LRRC49: variants seen among roughly 807,000 people sequenced by gnomAD.
LRRC49 encodes leucine rich repeat containing 49, also known as leucine-rich repeat-containing protein 49.
A neutral mutation model predicts 83.3 loss-of-function variants in LRRC49; 50 were observed. That is an observed-to-expected ratio of 0.60 (90% CI 0.48 to 0.76). LRRC49 has a LOEUF of 0.76. Among genes scored for constraint, LRRC49 ranks in the 30% least tolerant of loss-of-function variants. The pLI, the probability that LRRC49 is intolerant of heterozygous loss-of-function variation, is 0.00. For synonymous variants in LRRC49, 286 were observed against 283.3 expected, an observed-to-expected ratio of 1.01 and a Z score of -0.10; for missense variants, 704 against 809.1, an observed-to-expected ratio of 0.87 and a Z score of 1.58.
At chr15:70,871,012 G>T (rs1301866064) in intron 1 of LRRC49, among the ~76,000 whole-genome samples, 1 of 150,438 alleles carries the variant, frequency 6.6e-6, no homozygotes, top group Non-Finnish European at 1.5e-5. Context: ...GGGGGATTTG[G>T]CAGGGTCATA....
intron 1 of LRRC49, 73 bp downstream of exon 1, chr15:70,893,015 T>A: frequency 6.5e-7 from 1 of 1,529,402 alleles, no homozygotes; most frequent in Non-Finnish European, 9.1e-7. Context: ...TCCTAGGAGA[T>A]GGGCTGTATT....
chr15:70,892,330 C>G (rs1434466706), upstream of LRRC49: 1 of 1,549,412 alleles, frequency 6.5e-7, no homozygotes, highest in Non-Finnish European at 8.7e-7. Flanking sequence ...CTTGGGCACG[C>G]TCCTCGCAGC....
At chr15:70,883,089 G>A (rs951393516) in intron 2 of LRRC49, among the ~76,000 whole-genome samples, 1 of 151,968 alleles carries the variant, frequency 6.6e-6, no homozygotes, top group Non-Finnish European at 1.5e-5. Context: ...CTGCCATATT[G>A]TCTTTTTTCC....
chr15:70,993,184 G>A (rs2037952771), intron 11 of LRRC49, among the ~76,000 whole-genome samples: 1 of 152,234 alleles, frequency 6.6e-6, no homozygotes, highest in Non-Finnish European at 1.5e-5. Flanking sequence ...TCCTAGCCAT[G>A]TGCGGGATAT....
intron 11 of LRRC49, among the ~76,000 whole-genome samples, chr15:70,987,216 T>G (rs1156471747): frequency 4.6e-5 from 7 of 152,104 alleles, no homozygotes; most frequent in East Asian, 1.9e-4. Context: ...AATGGTACCA[T>G]TTCTTCCTTG....
At chr15:70,928,658 C>T (rs1005275624) in intron 7 of LRRC49, among the ~76,000 whole-genome samples, 4 of 152,026 alleles carry the variant, frequency 2.6e-5, no homozygotes, top group Admixed American at 2.6e-4. Context: ...CTCCACCTCC[C>T]GGGTTCAAGT....
At chr15:70,861,245 A>G (rs1366764078) in intron 1 of LRRC49, among the ~76,000 whole-genome samples, 1 of 152,096 alleles carries the variant, frequency 6.6e-6, no homozygotes, top group East Asian at 1.9e-4. Flanking sequence ...CCTAGGATAT[A>G]GTAGCTACTC....
chr15:71,044,552 G>A (rs2039792340), intron 15 of LRRC49, among the ~76,000 whole-genome samples: 1 of 152,146 alleles, frequency 6.6e-6, no homozygotes, highest in South Asian at 2.1e-4. Context: ...TCTTTGGGAG[G>A]CTGAGGTGGG....
chr15:70,923,668 G>A (rs913715203), intron 7 of LRRC49, among the ~76,000 whole-genome samples: 1 of 151,486 alleles, frequency 6.6e-6, no homozygotes, highest in Non-Finnish European at 1.5e-5. Context: ...TTTTTAATTT[G>A]ATATAATTTC....
At chr15:71,018,967 T>C (rs942507973) in intron 14 of LRRC49, among the ~76,000 whole-genome samples, 7 of 152,126 alleles carry the variant, frequency 4.6e-5, no homozygotes, top group Non-Finnish European at 7.4e-5. Context: ...TTACAAAGGA[T>C]ACAGATGAAC....
chr15:71,045,036 G>A (rs950244021), intron 15 of LRRC49, among the ~76,000 whole-genome samples: 8 of 151,170 alleles, frequency 5.3e-5, no homozygotes, highest in Non-Finnish European at 8.9e-5. Flanking sequence ...GACTACAGGC[G>A]CCCACCACCA....
chr15:70,919,064 A>G lies in LRRC49; in HGVS notation c.582A>G (p.Glu194=). ...TTCTTTAACAGATTACCAAAATTGAAAATATTAATCATTTGTGTGAGTTGA... is the reference window on the plus strand; with the variant it reads ...TTCTTTAACAGATTACCAAAATTGAGAATATTAATCATTTGTGTGAGTTGA... The part of the protein sequence containing the change: ...DLHGNQITKI[E]NINHLCELRV... The change falls in exon 7 of 16, where the codon GAA becomes GAG. Residue 194 remains glutamate, a synonymous_variant. Coordinates refer to ENST00000260382, the MANE Select transcript of LRRC49 (RefSeq NM_017691.5). The G allele has an allele frequency of 6.2e-7, 1 of 1,611,178 alleles. No homozygotes were observed. The highest frequency in any genetic ancestry group is 1.1e-5 in the South Asian group (1 of 90,380).
chr15:71,047,141 T>A (rs2039876533), intron 15 of LRRC49, among the ~76,000 whole-genome samples: 1 of 152,224 alleles, frequency 6.6e-6, no homozygotes, highest in South Asian at 2.1e-4. Context: ...GGCTTTGTTC[T>A]TTTTGCTTAG....
intron 9 of LRRC49, among the ~76,000 whole-genome samples, chr15:70,967,769 A>G (rs993410567): frequency 5.3e-5 from 8 of 152,096 alleles, no homozygotes; most frequent in African/African-American, 1.9e-4. Context: ...CAATACATAT[A>G]TGAATAAGCA....
At chr15:70,990,837 C>A (rs1006890613) in intron 11 of LRRC49, among the ~76,000 whole-genome samples, 4 of 152,220 alleles carry the variant, frequency 2.6e-5, no homozygotes, top group Admixed American at 6.5e-5. Context: ...CAATCACTTC[C>A]CTGCACTATT....
chr15:70,952,995 A>G (rs775390117), intron 8 of LRRC49, among the ~76,000 whole-genome samples: 18 of 151,916 alleles, frequency 1.2e-4, no homozygotes, highest in Non-Finnish European at 2.5e-4. Flanking sequence ...ATCTTTCTCC[A>G]TTTCTTTACT....
At chr15:70,916,953 T>C (rs1276078597) in intron 6 of LRRC49, among the ~76,000 whole-genome samples, 2 of 152,214 alleles carry the variant, frequency 1.3e-5, no homozygotes, top group African/African-American at 4.8e-5. Context: ...CGACAGGTTC[T>C]GAAGTGTTTG....
chr15:70,941,155 A>T (rs1378892053), intron 8 of LRRC49, among the ~76,000 whole-genome samples: 2 of 152,198 alleles, frequency 1.3e-5, no homozygotes, highest in African/African-American at 2.4e-5. Flanking sequence ...AAAATAGGTG[A>T]AAATAGATAT....
At chr15:70,908,207 G>A (rs566768480) in intron 5 of LRRC49, among the ~76,000 whole-genome samples, 2 of 152,344 alleles carry the variant, frequency 1.3e-5, no homozygotes, top group African/African-American at 4.8e-5. Context: ...CAGAAGTCAT[G>A]TTATAGCCCA....
Sources: allele counts gnomAD v4.1 joint callset (sites outside exome capture counted in the v4.1 genomes callset), GRCh38; gene constraint gnomAD v4.1.1; transcripts MANE v1.5; gene names NCBI Gene and HGNC (gene_info 2026-07-23, HGNC 2026-07-21).